BRWD1: variants seen among roughly 807,000 people sequenced by gnomAD.
The protein encoded by BRWD1 is bromodomain and WD repeat domain containing 1, also known as bromodomain and WD repeat-containing protein 1.
Under a neutral mutation model 251.2 loss-of-function variants are expected in BRWD1, and 82 were observed. The ratio of observed to expected loss-of-function variants is 0.33; its 90% CI spans 0.27 to 0.39. The LOEUF (loss-of-function observed/expected upper bound fraction) is 0.39, where lower values mean the gene tolerates loss of function less well. Among genes scored for constraint, BRWD1 ranks in the 10% least tolerant of loss-of-function variants. BRWD1 has a pLI of 1.00. For missense variants in BRWD1, 2,233 were observed against 2,711.6 expected, an observed-to-expected ratio of 0.82 and a Z score of 3.92; for synonymous variants, 918 against 902.8, an observed-to-expected ratio of 1.02 and a Z score of -0.30.
At chr21:39,254,154 T>C (rs1425254309) in intron 19 of BRWD1, among the ~76,000 whole-genome samples, 2 of 152,148 alleles carry the variant, frequency 1.3e-5, no homozygotes, top group Non-Finnish European at 2.9e-5. Flanking sequence ...TAGTCCCAGC[T>C]ACTCGGGAGG....
chr21:39,303,434 G>A lies in BRWD1; in HGVS notation c.199-4852C>T, dbSNP rs541838749. ...CTTGAGAGGCTGAGGCAGGAGAATC[G>A]CTTGAGCCCAGGAGGCAGAGGTTGC... On this transcript the variant is annotated intron_variant, in intron 4 of 40. Transcript: ENST00000342449. Among the ~76,000 whole-genome samples the A allele has an allele frequency of 2.3e-3, 348 of 148,124 alleles. 4 individuals are homozygous for A. Among genetic ancestry groups the A allele is most frequent in the Non-Finnish European group, 1.4e-3 (96 of 67,516 alleles).
chr21:39,314,247 G>C, upstream of BRWD1: 1 of 455,706 alleles, frequency 2.2e-6, no homozygotes, highest in South Asian at 1.5e-5. Flanking sequence ...TCGTATGCTG[G>C]CGTTGCCGGA....
At chr21:39,257,671 A>C (rs1314029478) in intron 18 of BRWD1, among the ~76,000 whole-genome samples, 1 of 152,150 alleles carries the variant, frequency 6.6e-6, no homozygotes, top group Non-Finnish European at 1.5e-5. Context: ...AGCTTGTTGA[A>C]TGTGATCACT....
rs1307522845 is a variant in BRWD1, at chr21:39,212,704, C to T, written c.3862G>A (p.Asp1288Asn). The part of the protein sequence containing the change: ...NDEQNAEDLD[D>N]SDLPKTSSGR... Reference sequence around the variant, plus strand: ...GAAGATGTTTTAGGAAGATCACTATCATCCTAGGAATAAAATCAGAGCACC... The same window carrying T: ...GAAGATGTTTTAGGAAGATCACTATTATCCTAGGAATAAAATCAGAGCACC... The change falls in exon 34 of 41, where the codon GAT becomes AAT. Residue 1288 changes from aspartate to asparagine, a missense_variant. Around this residue, in one of 12 missense-constraint regions of BRWD1, gnomAD observed 167 missense variants for 183.2 expected, o/e 0.91. Coordinates refer to ENST00000342449, the MANE Select transcript of BRWD1 (RefSeq NM_033656.4). 7.6e-6 allele frequency: 12 copies of T among 1,572,288 alleles called. No homozygotes were observed. Among genetic ancestry groups the T allele is most frequent in the Non-Finnish European group, 1.0e-5 (12 of 1,145,640 alleles).
chr21:39,280,505 T>C (rs1166193622), intron 8 of BRWD1, among the ~76,000 whole-genome samples: 2 of 151,988 alleles, frequency 1.3e-5, no homozygotes, highest in Non-Finnish European at 2.9e-5. Flanking sequence ...CTAGTCCTAC[T>C]AGATATTAAA....
intron 4 of BRWD1, among the ~76,000 whole-genome samples, chr21:39,304,345 T>C (rs969388075): frequency 2.0e-5 from 3 of 152,090 alleles, no homozygotes; most frequent in African/African-American, 7.2e-5. Flanking sequence ...GCACAGTGGC[T>C]CACACCTATA....
At chr21:39,283,307 C>G (rs973326823) in intron 8 of BRWD1, among the ~76,000 whole-genome samples, 3 of 152,118 alleles carry the variant, frequency 2.0e-5, no homozygotes, top group African/African-American at 7.2e-5. Flanking sequence ...CAGGAAAGAT[C>G]TGACATATTT....
Position 39,194,458 on chromosome 21 carries a change from A to G in BRWD1, c.*1801T>C. On this transcript the variant is annotated 3_prime_UTR_variant, in exon 41 of 41. Coordinates refer to ENST00000342449, the MANE Select transcript of BRWD1 (RefSeq NM_033656.4). ...AGTCAAGGACAATTATCATGAATCA[A>G]TCTGTTTACTATCTACTTAACACAA... 1 of 1,345,236 alleles carries G rather than the reference A, an allele frequency of 7.4e-7. No homozygotes were observed. The highest frequency in any genetic ancestry group is 9.5e-7 in the Non-Finnish European group (1 of 1,050,708). The allele number at this position is 1,345,236 out of a possible 1,614,324, so 83.3% of individuals were successfully genotyped here. A position where few individuals can be genotyped will look rare whatever the true frequency, so the allele number is the denominator to read the frequency against.
At chr21:39,231,617 C>T (rs2033619612) in intron 25 of BRWD1, among the ~76,000 whole-genome samples, 1 of 152,106 alleles carries the variant, frequency 6.6e-6, no homozygotes, top group South Asian at 2.1e-4. Context: ...GTTTCAACTA[C>T]TATTAACAAA....
intron 15 of BRWD1, among the ~76,000 whole-genome samples, chr21:39,265,317 C>G (rs1489393354): frequency 1.3e-5 from 2 of 152,050 alleles, no homozygotes; most frequent in African/African-American, 4.8e-5. Flanking sequence ...CCCAGCTACT[C>G]AGGAAGCTGA....
chr21:39,272,664 G>A (rs190360803), intron 13 of BRWD1, among the ~76,000 whole-genome samples: 27 of 149,080 alleles, frequency 1.8e-4, no homozygotes, highest in Middle Eastern at 6.9e-3. Flanking sequence ...CTGGGGTGTA[G>A]TGGCTCCATC....
chr21:39,298,686 T>C, intron 4 of BRWD1, 104 bp from the exon 5 acceptor site: 1 of 876,672 alleles, frequency 1.1e-6, no homozygotes, highest in Non-Finnish European at 1.6e-6. Flanking sequence ...CACTGAAAAC[T>C]GTAAAACATG....
chr21:39,259,031 G>A (rs1368099488), intron 17 of BRWD1, among the ~76,000 whole-genome samples: 2 of 152,160 alleles, frequency 1.3e-5, no homozygotes, highest in Admixed American at 1.3e-4. Flanking sequence ...TCTCTAACTG[G>A]AACAGAGCAA....
At chr21:39,294,825 A>G (rs1325124923) in intron 7 of BRWD1, among the ~76,000 whole-genome samples, 1 of 152,204 alleles carries the variant, frequency 6.6e-6, no homozygotes, top group African/African-American at 2.4e-5. Context: ...TCAAGTTTAC[A>G]GTACTAGCCA....
chr21:39,290,705 A>C (rs1266539237), intron 8 of BRWD1, among the ~76,000 whole-genome samples: 1 of 152,208 alleles, frequency 6.6e-6, no homozygotes. Flanking sequence ...ATTCATATCA[A>C]ACTATAAAAT....
chr21:39,288,592 T>C (rs1029016508), intron 8 of BRWD1, among the ~76,000 whole-genome samples: 1 of 152,148 alleles, frequency 6.6e-6, no homozygotes, highest in Non-Finnish European at 1.5e-5. Context: ...CAGTTGAAAA[T>C]CCACACGTAA....
In BRWD1 at chr21:39,270,003, T is replaced by C; in HGVS notation, c.1426A>G (p.Thr476Ala). ...GHADEVFVLE[T>A]HPFDSRIMLS... ...ATAATTCTGGAATCAAAGGGATGTGTCTCCAGAACAAATACTTCATCAGCA... is the reference window on the plus strand; with the variant it reads ...ATAATTCTGGAATCAAAGGGATGTGCCTCCAGAACAAATACTTCATCAGCA... Residue 476 changes from threonine to alanine, a missense_variant, in exon 15 of 41, where the codon ACA (threonine) becomes GCA (alanine). By Grantham distance (58) the Thr-to-Ala change is moderately conservative. This residue lies in a region of BRWD1 where 315 missense variants were observed against 421.8 expected (regional missense o/e 0.75). Transcript: ENST00000342449. The C allele has an allele frequency of 6.3e-7, 1 of 1,590,192 alleles. No individual in the cohort carries two copies. The highest frequency in any genetic ancestry group is 8.6e-7 in the Non-Finnish European group (1 of 1,168,042).
At chr21:39,318,558 T>C (rs1339302032), upstream of BRWD1, among the ~76,000 whole-genome samples, 2 of 152,162 alleles carry the variant, frequency 1.3e-5, no homozygotes, top group Non-Finnish European at 2.9e-5. Flanking sequence ...TGAAATTAAA[T>C]GCACACAAAA....
At chr21:39,313,126 G>A in intron 2 of BRWD1, 25 bp from the exon 3 acceptor site, 2 of 1,498,886 alleles carry the variant, frequency 1.3e-6, no homozygotes, top group Non-Finnish European at 1.8e-6. Context: ...CGCGCGGTCA[G>A]GGGTGGGGTC....
Sources: gnomAD v4.1 joint callset for allele counts (sites outside exome capture counted in the v4.1 genomes callset) on GRCh38, gnomAD v4.1.1 for gene constraint, gnomAD v4.1.1 regional missense constraint, MANE v1.5 for transcripts, NCBI Gene and HGNC (gene_info 2026-07-23, HGNC 2026-07-21) for gene names.